RIMS2: variants seen among roughly 807,000 people sequenced by gnomAD.
RIMS2 encodes regulating synaptic membrane exocytosis 2.
A neutral mutation model predicts 174.4 loss-of-function variants in RIMS2; 59 were observed. That is an observed-to-expected ratio of 0.34 (90% CI 0.27 to 0.42). RIMS2 has a LOEUF of 0.42. Ranked by LOEUF, RIMS2 falls within the 10% of genes least tolerant of loss-of-function variation. The pLI is 1.00. For missense variants in RIMS2, 1,620 were observed against 1,666.3 expected, an observed-to-expected ratio of 0.97 and a Z score of 0.48; for synonymous variants, 606 against 572.5, an observed-to-expected ratio of 1.06 and a Z score of -0.84.
At chr8:104,049,368 T>C (rs894418244) in intron 19 of RIMS2, among the ~76,000 whole-genome samples, 1 of 151,994 alleles carries the variant, frequency 6.6e-6, no homozygotes, top group African/African-American at 2.4e-5. Context: ...GAGCTTGCAG[T>C]GAGCCGAGAT....
rs199608093 is a variant in RIMS2 at position 103,885,846 on chromosome 8, G to A, written c.1247G>A (p.Arg416Gln). The A allele has an allele frequency of 1.8e-4, 294 of 1,612,718 alleles. 1 individual carries two copies. The highest frequency in any genetic ancestry group is 3.3e-4 in the Middle Eastern group (2 of 6,074). The stretch of plus-strand genomic sequence containing the variant: ...CGATCTTATTCAATGGAAAGAACTC[G>A]AGAGGCTCAGGGACCAAGTTCTTAT... Residue 416 changes from arginine to glutamine, a missense_variant, in exon 4 of 24, where the codon CGA becomes CAA. By Grantham distance (43) the Arg-to-Gln change is conservative. Transcript: ENST00000504942.
intron 3 of RIMS2, among the ~76,000 whole-genome samples, chr8:103,865,283 T>TC (rs2099079111): frequency 1.6e-5 from 2 of 124,050 alleles, no homozygotes; most frequent in African/African-American, 6.3e-5. Context: ...TCAGTTTTTT[T>TC]CTTTTTTTTT....
At chr8:104,118,727 G>C (rs2098325095) in intron 19 of RIMS2, among the ~76,000 whole-genome samples, 1 of 152,072 alleles carries the variant, frequency 6.6e-6, no homozygotes, top group Admixed American at 6.5e-5. Context: ...CAAATTGACT[G>C]GGTGGTTTAA....
At chr8:104,179,899 T>A (rs1479591818) in intron 19 of RIMS2, among the ~76,000 whole-genome samples, 2 of 151,888 alleles carry the variant, frequency 1.3e-5, no homozygotes, top group Non-Finnish European at 2.9e-5. Context: ...AGATAACCCC[T>A]GTTAACATTT....
At chr8:103,989,016 C>T (rs542903551) in intron 16 of RIMS2, among the ~76,000 whole-genome samples, 3 of 152,142 alleles carry the variant, frequency 2.0e-5, no homozygotes, top group Non-Finnish European at 4.4e-5. Context: ...ACCTGGTAGT[C>T]ATCCATATGA....
intron 1 of RIMS2, among the ~76,000 whole-genome samples, chr8:103,642,701 A>G (rs1437306112): frequency 6.6e-6 from 1 of 151,802 alleles, no homozygotes; most frequent in Non-Finnish European, 1.5e-5. Flanking sequence ...GTGTAGACCT[A>G]TAGGTTGGTT....
At chr8:103,683,983 G>A (rs2096909584) in intron 1 of RIMS2, among the ~76,000 whole-genome samples, 1 of 152,178 alleles carries the variant, frequency 6.6e-6, no homozygotes, top group Non-Finnish European at 1.5e-5. Context: ...TTGTGACAAA[G>A]TAGATATAAG....
chr8:104,113,729 TA>T (rs149686984), intron 19 of RIMS2, among the ~76,000 whole-genome samples: 3,321 of 151,900 alleles, frequency 0.022, 121 homozygotes, highest in African/African-American at 0.075. Context: ...GTTCTACTTT[TA>T]TTAGTATAAT....
intron 19 of RIMS2, among the ~76,000 whole-genome samples, chr8:104,025,871 T>G (rs2096246146): frequency 6.6e-6 from 1 of 152,172 alleles, no homozygotes; most frequent in Non-Finnish European, 1.5e-5. Context: ...CTTATTGTGT[T>G]GTAATTGCCT....
chr8:104,031,950 A>G (rs2096403078), intron 19 of RIMS2, among the ~76,000 whole-genome samples: 1 of 152,070 alleles, frequency 6.6e-6, no homozygotes, highest in Non-Finnish European at 1.5e-5. Flanking sequence ...TGTTTAGAAA[A>G]CTAATTACAC....
intron 1 of RIMS2, among the ~76,000 whole-genome samples, chr8:103,628,298 G>A (rs2095834423): frequency 6.6e-6 from 1 of 150,878 alleles, no homozygotes; most frequent in Non-Finnish European, 1.5e-5. Context: ...AAATAAAGTG[G>A]ACTGGATAGG....
exon 16 of RIMS2, chr8:103,975,359 A>T (rs777168435): frequency 6.2e-7 from 1 of 1,610,730 alleles, no homozygotes. Flanking sequence ...GATTATCGAC[A>T]TGATGGTCGA....
At position 103,604,314 on chromosome 8, in the gene RIMS2, T is replaced by C. The variant is rs1365509996; in HGVS notation, c.177-92772T>C. On this transcript the variant is annotated intron_variant, in intron 1 of 23. Coordinates refer to ENST00000504942, the Ensembl canonical transcript of RIMS2. ...GTCAAAGATCAGATAGTTGTTGATATGCGGCGTTATTTCTGAGGGCTCTGT... is the reference window on the plus strand; with the variant it reads ...GTCAAAGATCAGATAGTTGTTGATACGCGGCGTTATTTCTGAGGGCTCTGT... 5.9e-5 allele frequency among the ~76,000 whole-genome samples: 9 copies of C among 151,954 alleles called. No individual in the cohort carries two copies. The East Asian group carries it at 1.5e-3, about 26-fold the overall frequency.
At chr8:103,817,857 A>C (rs1056319315) in intron 3 of RIMS2, among the ~76,000 whole-genome samples, 1 of 152,142 alleles carries the variant, frequency 6.6e-6, no homozygotes, top group South Asian at 2.1e-4. Context: ...GCATTAGCAC[A>C]TACAGTGTTT....
At chr8:103,726,760 T>G (rs1363723128) in intron 2 of RIMS2, among the ~76,000 whole-genome samples, 3 of 148,858 alleles carry the variant, frequency 2.0e-5, no homozygotes, top group East Asian at 3.9e-4. Flanking sequence ...TGAGACAGAG[T>G]CTCGCTTTGT....
At position 103,577,643 on chromosome 8, in the gene RIMS2, G is replaced by A. The variant is rs576743472; in HGVS notation, c.176+76581G>A. Among the ~76,000 whole-genome samples the A allele has an allele frequency of 2.0e-5, 3 of 152,270 alleles. No homozygotes were observed. The South Asian group carries it at 6.2e-4, about 32-fold the overall frequency. On this transcript the variant is annotated intron_variant, in intron 1 of 23. Transcript: ENST00000504942. Reference sequence around the variant, plus strand: ...AATTTAAAGTATTAATACAGTTACTGTGTGATCTAGCTATTTCATTTCTTG... The same window carrying A: ...AATTTAAAGTATTAATACAGTTACTATGTGATCTAGCTATTTCATTTCTTG...
intron 1 of RIMS2, among the ~76,000 whole-genome samples, chr8:103,504,846 C>CTTTTTTTTT (rs11367763): frequency 7.4e-5 from 7 of 95,094 alleles, no homozygotes; most frequent in South Asian, 3.5e-4. Flanking sequence ...TTCTTTCTTT[C>CTTTTTTTTT]TTTTTTTTTT....
chr8:103,806,922 G>T (rs182516181), intron 3 of RIMS2, among the ~76,000 whole-genome samples: 39 of 152,202 alleles, frequency 2.6e-4, no homozygotes, highest in Non-Finnish European at 1.6e-4. Context: ...GGAGGAACAG[G>T]TTTGGGTGAG....
chr8:103,911,262 T>C (rs375434254), intron 5 of RIMS2, among the ~76,000 whole-genome samples: 2 of 152,206 alleles, frequency 1.3e-5, no homozygotes, highest in South Asian at 4.1e-4. Context: ...ATATCATTCA[T>C]AACAGAATAC....
Sources: allele counts gnomAD v4.1 joint callset (sites outside exome capture counted in the v4.1 genomes callset), GRCh38; gene constraint gnomAD v4.1.1; transcripts MANE v1.5; gene names NCBI Gene and HGNC (gene_info 2026-07-23, HGNC 2026-07-21).